ISM2: variants seen among roughly 807,000 people sequenced by gnomAD.
The protein encoded by ISM2 is isthmin-2.
Under a neutral mutation model 58.0 loss-of-function variants are expected in ISM2, and 50 were observed. The ratio of observed to expected loss-of-function variants is 0.86; its 90% CI spans 0.69 to 1.09. The LOEUF (loss-of-function observed/expected upper bound fraction) is 1.09. Ranked by LOEUF, ISM2 falls within the 50% of genes least tolerant of loss-of-function variation. ISM2 has a pLI of 0.00. For synonymous variants in ISM2, 303 were observed against 312.4 expected (o/e 0.97, Z 0.32); for missense variants, 723 against 745.0 (o/e 0.97, Z 0.34).
intron 6 of ISM2, among the ~76,000 whole-genome samples, chr14:77,476,827 T>C (rs1016866309): frequency 3.3e-5 from 5 of 152,028 alleles, no homozygotes; most frequent in East Asian, 3.9e-4. Context: ...AGGCAGGAGG[T>C]AGGAGCTCAA....
rs548281946 is a variant in ISM2, at chr14:77,496,298, GACCAACATGCAGAA to G, written c.141+2341_141+2354del. 4.3e-3 allele frequency among the ~76,000 whole-genome samples: 654 copies of G among 151,314 alleles called. 5 individuals carry two copies. Among genetic ancestry groups the G allele is most frequent in the African/African-American group, 0.015 (634 of 41,180 alleles). On this transcript the variant is annotated intron_variant, in intron 1 of 6. Transcript: ENST00000342219. ...GAGGTCGGGAGTTCAAGACCAGCCT[GACCAACATGCAGAA>G]ACCCCATCTCTACTAAAAATACAAA...
intron 5 of ISM2, 111 bp from the exon 6 acceptor site, chr14:77,478,436 G>A (rs1408241025): frequency 1.5e-5 from 21 of 1,430,080 alleles, no homozygotes; most frequent in Non-Finnish European, 1.9e-5. Flanking sequence ...AGCCAAAATA[G>A]GCCTGGGACA....
chr14:77,484,886 C>T lies in ISM2; in HGVS notation c.175G>A (p.Glu59Lys). ...SASPDPRPLK[E>K]EEEAPLLPRT... is the part of the protein sequence containing the mutation. Reference sequence around the variant, plus strand: ...GGGAGCAGTGGTGCCTCCTCCTCTTCCTTCAGAGGCCTAGGATCTGGGGAG... The same window carrying T: ...GGGAGCAGTGGTGCCTCCTCCTCTTTCTTCAGAGGCCTAGGATCTGGGGAG... The change falls in exon 2 of 7, where the codon GAA (glutamate) becomes AAA (lysine). Residue 59 changes from glutamate (E) to lysine (K), a missense_variant. By Grantham distance (56) the Glu-to-Lys change is moderately conservative (BLOSUM62 1). Coordinates refer to ENST00000342219, the MANE Select transcript of ISM2 (RefSeq NM_199296.3). 2 of 1,574,906 alleles carry T rather than the reference C, an allele frequency of 1.3e-6. No homozygotes were observed. Among genetic ancestry groups the T allele is most frequent in the South Asian group, 2.4e-5 (2 of 83,068 alleles).
intron 1 of ISM2, among the ~76,000 whole-genome samples, chr14:77,490,390 G>GAAAAGTAAACCAAAAAA (rs57826757): frequency 1.3e-5 from 2 of 152,138 alleles, no homozygotes; most frequent in African/African-American, 2.4e-5. Flanking sequence ...GAAAGAAAAA[G>GAAAAGTAAACCAAAAAA]AACGGAGCCA....
intron 1 of ISM2, among the ~76,000 whole-genome samples, chr14:77,489,516 C>T (rs758531841): frequency 3.3e-5 from 5 of 151,966 alleles, no homozygotes; most frequent in Non-Finnish European, 5.9e-5. Flanking sequence ...GGATTTCATT[C>T]TCCCTCAACT....
intron 1 of ISM2, among the ~76,000 whole-genome samples, chr14:77,493,627 A>G (rs1375421371): frequency 6.6e-6 from 1 of 151,064 alleles, no homozygotes; most frequent in Non-Finnish European, 1.5e-5. Context: ...ACGCCTGGCT[A>G]ATTTTTGTAT....
intron 1 of ISM2, among the ~76,000 whole-genome samples, chr14:77,488,253 G>A (rs923114300): frequency 6.6e-6 from 1 of 152,186 alleles, no homozygotes; most frequent in Non-Finnish European, 1.5e-5. Context: ...CAACCCTGAG[G>A]GGCGAGCGTG....
At chr14:77,496,990 G>A (rs2079246647) in intron 1 of ISM2, among the ~76,000 whole-genome samples, 2 of 151,856 alleles carry the variant, frequency 1.3e-5, no homozygotes, top group African/African-American at 4.8e-5. Context: ...GTCTGGACAA[G>A]TTCTGGCTCT....
At chr14:77,497,779 G>T (rs1186831315) in intron 1 of ISM2, among the ~76,000 whole-genome samples, 1 of 103,128 alleles carries the variant, frequency 9.7e-6, no homozygotes, top group East Asian at 2.4e-4. Context: ...GGGAAGGAAG[G>T]AAGGAAGGAA....
At chr14:77,490,738 C>G (rs765826133) in intron 1 of ISM2, among the ~76,000 whole-genome samples, 15 of 152,254 alleles carry the variant, frequency 9.9e-5, no homozygotes, top group Non-Finnish European at 2.1e-4. Context: ...CTTTGATCCT[C>G]GTAACAACCT....
At chr14:77,478,163 C>T (rs1007204139) in intron 6 of ISM2, 79 bp downstream of exon 6, 1 of 1,191,402 alleles carries the variant, frequency 8.4e-7, no homozygotes, top group East Asian at 2.3e-5. Flanking sequence ...AGCCAGGTTC[C>T]TGCCATGGAA....
chr14:77,483,790 C>CGTT (rs2079148517), intron 3 of ISM2: 1 of 152,452 alleles, frequency 6.6e-6, no homozygotes, highest in East Asian at 1.9e-4. Context: ...ATAGCTGCTA[C>CGTT]ACAAACATGC....
In ISM2 at chr14:77,478,397, C is replaced by A. The variant is rs186704439; in HGVS notation, c.1115-72G>T. On this transcript the variant is annotated intron_variant, in intron 5 of 6. Transcript: ENST00000342219. Reference sequence around the variant, plus strand: ...AGTGCCGCTGATGGGGAAACCCCCCCACCTCAATAGGCTCTCAGTGCCCAC... The same window carrying A: ...AGTGCCGCTGATGGGGAAACCCCCCAACCTCAATAGGCTCTCAGTGCCCAC... 7,223 of 1,477,140 alleles carry A rather than the reference C, an allele frequency of 4.9e-3. 32 individuals carry two copies. The highest frequency in any genetic ancestry group is 5.6e-3 in the Non-Finnish European group (5,925 of 1,061,798). 91.5% of individuals were successfully genotyped at this position (1,477,140 alleles called of 1,614,324 possible).
intron 1 of ISM2, among the ~76,000 whole-genome samples, chr14:77,490,431 C>T (rs1255125666): frequency 1.3e-5 from 2 of 152,248 alleles, no homozygotes; most frequent in Admixed American, 1.3e-4. Flanking sequence ...TGTACAGACT[C>T]ACTGGATTCT....
intron 1 of ISM2, among the ~76,000 whole-genome samples, chr14:77,495,564 C>T (rs1197653284): frequency 6.6e-6 from 1 of 152,202 alleles, no homozygotes; most frequent in African/African-American, 2.4e-5. Flanking sequence ...CGAGAGGCCT[C>T]ATCTGTCTAC....
Position 77,478,612 on chromosome 14 carries a change from G to A in ISM2, c.1077C>T (p.Ala359=). ...GCAGGTCACAGGTACGGGTCTCGGT[G>A]GCAGTGCAGCCATAGCCACAGGGCC... The part of the protein sequence containing the change: ...RTRPCGYGCT[A]TETRTCDLPS... Residue 359 remains alanine, a synonymous_variant, in exon 5 of 7, where the codon GCC becomes GCT. Transcript: ENST00000342219. 6.2e-7 allele frequency: 1 copy of A among 1,613,660 alleles called. No individual in the cohort carries two copies. Among genetic ancestry groups the A allele is most frequent in the Non-Finnish European group, 8.5e-7 (1 of 1,179,764 alleles).
At chr14:77,483,780 A>G (rs760258) in intron 3 of ISM2, 146,140 of 152,308 alleles carry the variant, frequency 0.96, 70,405 homozygotes, top group East Asian at 1. Context: ...TTTGTAAACT[A>G]TAGCTGCTAC....
intron 1 of ISM2, among the ~76,000 whole-genome samples, chr14:77,494,520 C>T (rs1025607423): frequency 1.3e-5 from 2 of 152,092 alleles, no homozygotes; most frequent in African/African-American, 4.8e-5. Flanking sequence ...CCTCAGCCTC[C>T]CAATAAGCTG....
chr14:77,487,159 C>T (rs28651001), intron 1 of ISM2, among the ~76,000 whole-genome samples: 34,430 of 151,504 alleles, frequency 0.23, 4,524 homozygotes, highest in African/African-American at 0.36. Flanking sequence ...GCAGGAGAAT[C>T]GCTTGAACTG....
Sources: allele counts gnomAD v4.1 joint callset (sites outside exome capture counted in the v4.1 genomes callset), GRCh38; gene constraint gnomAD v4.1.1; transcripts MANE v1.5; gene names NCBI Gene and HGNC (gene_info 2026-07-23, HGNC 2026-07-21).